PTPRD: variants seen among roughly 807,000 people sequenced by gnomAD.
The protein encoded by PTPRD is receptor-type tyrosine-protein phosphatase delta.
Under a neutral mutation model 214.5 loss-of-function variants are expected in PTPRD, and 34 were observed. That is an observed-to-expected ratio of 0.16 (90% CI 0.12 to 0.21). PTPRD has a LOEUF of 0.21. Ranked by LOEUF, PTPRD falls within the 10% of genes least tolerant of loss-of-function variation. The probability of loss-of-function intolerance (pLI) is 1.00; values close to 1 mark genes in which losing one functional copy is unlikely to be tolerated. For missense variants in PTPRD, 2,545 were observed against 2,398.7 expected, an observed-to-expected ratio of 1.06 and a Z score of -1.27; for synonymous variants, 1,128 against 845.7, an observed-to-expected ratio of 1.33 and a Z score of -5.79.
intron 5 of PTPRD, among the ~76,000 whole-genome samples, chr9:9,872,222 A>C (rs903960723): frequency 6.6e-6 from 1 of 152,134 alleles, no homozygotes; most frequent in African/African-American, 2.4e-5. Context: ...TAGGCTCTGA[A>C]GGCAGCCAGC....
At chr9:9,544,920 A>G (rs1365151077) in intron 8 of PTPRD, among the ~76,000 whole-genome samples, 1 of 151,776 alleles carries the variant, frequency 6.6e-6, no homozygotes, top group African/African-American at 2.4e-5. Flanking sequence ...GTTTCTGACT[A>G]TACCTGAATA....
intron 3 of PTPRD, among the ~76,000 whole-genome samples, chr9:10,148,621 A>G: frequency 6.6e-6 from 1 of 152,192 alleles, no homozygotes; most frequent in East Asian, 1.9e-4. Flanking sequence ...GGTGCTATTA[A>G]CTGAACTGTT....
chr9:10,277,216 CAACATAAACATAA>C (rs2094756678), intron 3 of PTPRD, among the ~76,000 whole-genome samples: 1 of 81,598 alleles, frequency 1.2e-5, no homozygotes, highest in South Asian at 4.0e-4. Flanking sequence ...CATAAACATA[CAACATAAACATAA>C]ACATAAAACA....
intron 8 of PTPRD, among the ~76,000 whole-genome samples, chr9:9,543,766 G>T (rs961412333): frequency 6.6e-6 from 1 of 151,590 alleles, no homozygotes; most frequent in Non-Finnish European, 1.5e-5. Flanking sequence ...TTATAATCTA[G>T]TCTATACTAT....
At chr9:9,543,674 C>T (rs1673981956) in intron 8 of PTPRD, among the ~76,000 whole-genome samples, 1 of 151,640 alleles carries the variant, frequency 6.6e-6, no homozygotes, top group Middle Eastern at 3.4e-3. Flanking sequence ...TCAAGGCCAT[C>T]AACCTTGATT....
intron 9 of PTPRD, among the ~76,000 whole-genome samples, chr9:9,334,269 A>C (rs992321311): frequency 3.9e-5 from 6 of 152,002 alleles, no homozygotes; most frequent in African/African-American, 1.2e-4. Context: ...GATGGCTCAT[A>C]TAAAATTAGC....
rs561545091 is a variant in PTPRD, at chr9:9,838,947, G to A, written c.-367-72096C>T. 8.1e-3 allele frequency among the ~76,000 whole-genome samples: 1,233 copies of A among 151,988 alleles called. 19 individuals carry two copies. Among genetic ancestry groups the A allele is most frequent in the African/African-American group, 0.028 (1,165 of 41,436 alleles). On this transcript the variant is annotated intron_variant, in intron 5 of 45. Coordinates refer to ENST00000381196, the MANE Select transcript of PTPRD (RefSeq NM_002839.4). ...CCATCTTGAATTAATTTTTGTATAA[G>A]GTGTAAGGAAGGGATCCAGTTTCAG...
chr9:9,082,858 C>T (rs1311926469), intron 10 of PTPRD, among the ~76,000 whole-genome samples: 3 of 152,024 alleles, frequency 2.0e-5, no homozygotes, highest in African/African-American at 7.2e-5. Context: ...TGTGAAGGAC[C>T]TCTTCAAGGA....
chr9:8,518,580 C>T, intron 20 of PTPRD, 151 bp from the exon 21 acceptor site: 1 of 609,778 alleles, frequency 1.6e-6, no homozygotes, highest in East Asian at 2.9e-5. Context: ...TTCTGAATGG[C>T]CAAGAAGGAC....
At chr9:9,511,121 T>C (rs1569568912) in intron 8 of PTPRD, among the ~76,000 whole-genome samples, 1 of 151,762 alleles carries the variant, frequency 6.6e-6, no homozygotes, top group East Asian at 1.9e-4. Context: ...GCAGATAGCT[T>C]TTTGTTTATT....
intron 13 of PTPRD, among the ~76,000 whole-genome samples, chr9:8,635,466 G>A (rs2096401230): frequency 6.6e-6 from 1 of 151,882 alleles, no homozygotes; most frequent in African/African-American, 2.4e-5. Context: ...TAATAATCAA[G>A]TATTTGATTT....
intron 2 of PTPRD, among the ~76,000 whole-genome samples, chr9:10,466,623 CAAAAA>C (rs66705572): frequency 6.5e-5 from 5 of 76,872 alleles, no homozygotes; most frequent in Non-Finnish European, 9.1e-5. Flanking sequence ...AACTCCAACT[CAAAAA>C]AAAAAAAAAA....
At chr9:8,570,529 C>T (rs2090806164) in intron 14 of PTPRD, among the ~76,000 whole-genome samples, 1 of 152,094 alleles carries the variant, frequency 6.6e-6, no homozygotes, top group African/African-American at 2.4e-5. Context: ...GTAATAAATA[C>T]ACTTAAGAGA....
chr9:9,544,567 T>C (rs541024535), intron 8 of PTPRD, among the ~76,000 whole-genome samples: 1 of 151,784 alleles, frequency 6.6e-6, no homozygotes, highest in East Asian at 1.9e-4. Flanking sequence ...TCAAATGTAT[T>C]CTGAACCACA....
chr9:10,128,429 C>T (rs528345928), intron 3 of PTPRD, among the ~76,000 whole-genome samples: 1 of 152,212 alleles, frequency 6.6e-6, no homozygotes, highest in East Asian at 1.9e-4. Context: ...CAGGATGATG[C>T]AGCAGAAGTC....
At chr9:10,124,442 ATT>A (rs1425117730) in intron 3 of PTPRD, among the ~76,000 whole-genome samples, 1 of 152,122 alleles carries the variant, frequency 6.6e-6, no homozygotes. Context: ...TTCACCCCAC[ATT>A]TTTTCTTTCA....
At chr9:9,130,374 G>C (rs1031007584) in intron 10 of PTPRD, among the ~76,000 whole-genome samples, 2 of 152,044 alleles carry the variant, frequency 1.3e-5, no homozygotes, top group Admixed American at 1.3e-4. Context: ...AGTTTCATTG[G>C]AATTCCAAGT....
intron 2 of PTPRD, among the ~76,000 whole-genome samples, chr9:10,413,607 T>C (rs2098458784): frequency 6.6e-6 from 1 of 151,818 alleles, no homozygotes; most frequent in Non-Finnish European, 1.5e-5. Context: ...AGAAAAACTA[T>C]TTAAAAATTT....
intron 5 of PTPRD, among the ~76,000 whole-genome samples, chr9:9,791,535 A>G (rs889347132): frequency 4.3e-4 from 65 of 152,274 alleles, no homozygotes; most frequent in African/African-American, 1.5e-3. Context: ...ACCCCTGATG[A>G]TAAGTTTCTC....
Sources: gnomAD v4.1 joint callset for allele counts (sites outside exome capture counted in the v4.1 genomes callset) on GRCh38, gnomAD v4.1.1 for gene constraint, MANE v1.5 for transcripts, NCBI Gene and HGNC (gene_info 2026-07-23, HGNC 2026-07-21) for gene names.